The following ST3GAL3 variants were observed in gnomAD, a reference collection of about 807,000 sequenced individuals.
The protein encoded by ST3GAL3 is CMP-N-acetylneuraminate-beta-1,4-galactoside alpha-2,3-sialyltransferase.
Under a neutral mutation model 50.1 loss-of-function variants are expected in ST3GAL3, and 21 were observed. That is an observed-to-expected ratio of 0.42 (90% CI 0.30 to 0.60). The LOEUF (loss-of-function observed/expected upper bound fraction) is 0.60, where lower values mean the gene tolerates loss of function less well. Among genes scored for constraint, ST3GAL3 ranks in the 20% least tolerant of loss-of-function variants. The pLI is 0.19. For missense variants in ST3GAL3, 353 were observed against 489.4 expected, an observed-to-expected ratio of 0.72 and a Z score of 2.63; for synonymous variants, 183 against 190.0, an observed-to-expected ratio of 0.96 and a Z score of 0.30.
chr1:43,910,339 G>A (rs2080584498), intron 9 of ST3GAL3, among the ~76,000 whole-genome samples: 1 of 152,192 alleles, frequency 6.6e-6, no homozygotes. Flanking sequence ...GTAAAGCACT[G>A]GCCTCAGTGT....
At chr1:43,880,766 A>G (rs2074978621) in intron 5 of ST3GAL3, among the ~76,000 whole-genome samples, 1 of 152,178 alleles carries the variant, frequency 6.6e-6, no homozygotes, top group Admixed American at 6.5e-5. Context: ...AGTGACTTTC[A>G]TGTATTACCA....
chr1:43,770,615 G>C (rs1426460183), intron 2 of ST3GAL3, among the ~76,000 whole-genome samples: 2 of 151,642 alleles, frequency 1.3e-5, no homozygotes, highest in Admixed American at 1.3e-4. Flanking sequence ...GATTAGTCTT[G>C]AACTCCTGGG....
At chr1:43,833,978 T>C (rs2063906870) in intron 4 of ST3GAL3, among the ~76,000 whole-genome samples, 1 of 152,030 alleles carries the variant, frequency 6.6e-6, no homozygotes. Context: ...CTGGCCAACA[T>C]GGTGAAACCT....
At chr1:43,881,547 C>T (rs898466484) in intron 5 of ST3GAL3, among the ~76,000 whole-genome samples, 4 of 152,158 alleles carry the variant, frequency 2.6e-5, no homozygotes, top group Admixed American at 2.6e-4. Flanking sequence ...TTCCCCACTT[C>T]CCTCCCTCCT....
intron 3 of ST3GAL3, among the ~76,000 whole-genome samples, chr1:43,812,507 G>A (rs552821256): frequency 6.6e-6 from 1 of 152,326 alleles, no homozygotes; most frequent in Non-Finnish European, 1.5e-5. Flanking sequence ...TGTTGCCCAG[G>A]CTAGGGTGCA....
intron 3 of ST3GAL3, among the ~76,000 whole-genome samples, chr1:43,805,986 G>A (rs866310735): frequency 1.3e-5 from 2 of 152,066 alleles, no homozygotes; most frequent in East Asian, 1.9e-4. Flanking sequence ...CGCCCACCTT[G>A]GCCTCCCAAA....
intron 7 of ST3GAL3, 92 bp downstream of exon 7, chr1:43,898,390 G>C: frequency 7.5e-7 from 1 of 1,333,418 alleles, no homozygotes; most frequent in Non-Finnish European, 1.1e-6. Context: ...GACATGGGCA[G>C]TTTCTCCAGC....
chr1:43,848,841 T>C (rs1048446316), intron 5 of ST3GAL3, among the ~76,000 whole-genome samples: 5 of 152,234 alleles, frequency 3.3e-5, no homozygotes, highest in African/African-American at 4.8e-5. Flanking sequence ...TTTTCAATCT[T>C]CTTTCTCTCT....
chr1:43,736,967 A>T (rs1454951146), intron 2 of ST3GAL3: 1 of 209,718 alleles, frequency 4.8e-6, no homozygotes, highest in African/African-American at 2.4e-5. Context: ...TGTGTTACAT[A>T]GTGTTTTCCA....
chr1:43,917,637 A>ATATAAT (rs1482229993), intron 9 of ST3GAL3, among the ~76,000 whole-genome samples: 1 of 68,356 alleles, frequency 1.5e-5, no homozygotes, highest in Admixed American at 2.5e-4. Flanking sequence ...TATAATATAT[A>ATATAAT]ATATAATATA....
intron 5 of ST3GAL3, among the ~76,000 whole-genome samples, chr1:43,852,068 G>A (rs576773398): frequency 4.5e-4 from 68 of 152,208 alleles, no homozygotes; most frequent in African/African-American, 1.6e-3. Flanking sequence ...CCATCCCTAG[G>A]TGCAGACTAA....
At chr1:43,860,137 T>G (rs1334955938) in intron 5 of ST3GAL3, among the ~76,000 whole-genome samples, 4 of 152,188 alleles carry the variant, frequency 2.6e-5, no homozygotes, top group Non-Finnish European at 5.9e-5. Flanking sequence ...ACTGGTTGGA[T>G]CAGGCCCCAT....
chr1:43,814,220 T>C (rs1309037276), intron 3 of ST3GAL3, among the ~76,000 whole-genome samples: 1 of 152,166 alleles, frequency 6.6e-6, no homozygotes, highest in Admixed American at 6.5e-5. Context: ...CACCTGCATT[T>C]TCCTATGTTT....
chr1:43,710,212 G>T (rs1180866243), intron 1 of ST3GAL3, among the ~76,000 whole-genome samples: 2 of 152,122 alleles, frequency 1.3e-5, no homozygotes, highest in Non-Finnish European at 2.9e-5. Context: ...CTCCTGAGTA[G>T]CTGGGACGAC....
rs1029998880 is a variant in ST3GAL3 at position 43,899,796 on chromosome 1, C to A, written c.744+69C>A. ...TTCCGCAACTCCTAAGCAATCCCGC[C>A]CCTTGAATGCAGCAAAGAACGAGTA... is the stretch of plus-strand genomic sequence containing the variant. On this transcript the variant is annotated intron_variant, in intron 9 of 11. Coordinates refer to ENST00000347631, the MANE Select transcript of ST3GAL3 (RefSeq NM_006279.5). The surrounding 1 kb of genome is among the most constrained non-coding windows in gnomAD (Gnocchi z 5.4). 257 of 1,417,208 alleles carry A rather than the reference C, an allele frequency of 1.8e-4. No homozygotes were observed. Among genetic ancestry groups the A allele is most frequent in the Non-Finnish European group, 5.3e-5 (53 of 1,005,342 alleles). 87.8% of individuals were successfully genotyped at this position (1,417,208 alleles called of 1,614,324 possible).
At chr1:43,826,666 C>G (rs908410857) in intron 4 of ST3GAL3, among the ~76,000 whole-genome samples, 1 of 152,194 alleles carries the variant, frequency 6.6e-6, no homozygotes, top group Non-Finnish European at 1.5e-5. Context: ...ACCAATATCT[C>G]TCATGAACAT....
At chr1:43,921,060 C>T in intron 11 of ST3GAL3, 132 bp downstream of exon 11, 3 of 1,075,706 alleles carry the variant, frequency 2.8e-6, no homozygotes, top group Non-Finnish European at 4.0e-6. Context: ...ACCAAGCATC[C>T]TACGTGCCCT....
chr1:43,901,300 T>C (rs1421704704), intron 9 of ST3GAL3, among the ~76,000 whole-genome samples: 1 of 152,198 alleles, frequency 6.6e-6, no homozygotes, highest in Non-Finnish European at 1.5e-5. Context: ...GGGCAGAGCT[T>C]GATCCCATTG....
At chr1:43,894,878 G>A (rs1314352322) in intron 6 of ST3GAL3, among the ~76,000 whole-genome samples, 3 of 151,912 alleles carry the variant, frequency 2.0e-5, no homozygotes, top group Admixed American at 6.6e-5. Context: ...CAAGTGATCT[G>A]CCTAAAGTGC....
Sources: allele counts gnomAD v4.1 joint callset (sites outside exome capture counted in the v4.1 genomes callset), GRCh38; gene constraint gnomAD v4.1.1; non-coding constraint Gnocchi (gnomAD v3.1); transcripts MANE v1.5; gene names NCBI Gene and HGNC (gene_info 2026-07-23, HGNC 2026-07-21).